The following MINAR1 variants were observed in gnomAD, a reference collection of about 807,000 sequenced individuals.
The protein encoded by MINAR1 is membrane integral NOTCH2 associated receptor 1.
MINAR1 carries 40 observed loss-of-function variants against 65.1 expected under a neutral mutation model. The ratio of observed to expected loss-of-function variants is 0.61; its 90% confidence interval spans 0.48 to 0.80. The LOEUF (loss-of-function observed/expected upper bound fraction) is 0.80, where lower values mean the gene tolerates loss of function less well. MINAR1 is among the 30% of genes least tolerant of loss of function. The pLI is 0.00. For missense variants in MINAR1, 1,128 were observed against 1,148.0 expected (o/e 0.98, Z 0.25); for synonymous variants, 482 against 449.1 (o/e 1.07, Z -0.93).
the MINAR1 span, chr15:79,411,639 A>AGGT: frequency 1.6e-6 from 1 of 616,178 alleles, no homozygotes; most frequent in Non-Finnish European, 2.9e-6. Context: ...CCAGGGGAAC[A>AGGT]GGTGAGTTAA....
intron 1 of MINAR1, among the ~76,000 whole-genome samples, chr15:79,433,671 A>G (rs767335790): frequency 2.6e-5 from 4 of 152,158 alleles, no homozygotes; most frequent in Non-Finnish European, 5.9e-5. Flanking sequence ...TTATGTGGCC[A>G]GTTATGCATC....
rs768888332 is a variant in MINAR1, at chr15:79,458,178, C to G, written c.2031C>G (p.Asn677Lys). 3.3e-5 allele frequency: 53 copies of G among 1,614,058 alleles called. No homozygotes were observed. In the East Asian group the frequency reaches 8.0e-4, roughly 24 times the overall value. The change falls in exon 2 of 4, where the codon AAC becomes AAG. Residue 677 changes from asparagine to lysine, a missense_variant. By Grantham distance (94) the Asn-to-Lys change is moderately conservative (BLOSUM62 0). Transcript: ENST00000305428. ...GCTCCCACGGACCCAAACTAGAGAA[C>G]AACCCTGACTGGTGCTGCTCTGATG... ...HSGSHGPKLENNPDWCCSDAS... is the reference protein window; with the variant it reads ...HSGSHGPKLEKNPDWCCSDAS...
chr15:79,435,276 CAAAA>C (rs35709335), intron 1 of MINAR1, among the ~76,000 whole-genome samples: 6 of 140,924 alleles, frequency 4.3e-5, no homozygotes, highest in African/African-American at 1.1e-4. Context: ...AAATCCGTCT[CAAAA>C]AAAAAAAAAA....
intron 3 of MINAR1, 128 bp downstream of exon 3, chr15:79,463,449 A>G (rs1895726644): frequency 5.6e-6 from 6 of 1,063,960 alleles, no homozygotes; most frequent in African/African-American, 3.2e-5. Context: ...GGCCCCCAAC[A>G]TGGAATTCAG....
At chr15:79,422,898 C>T in the MINAR1 span, 3 of 152,174 alleles carry the variant, frequency 2.0e-5, no homozygotes, top group Non-Finnish European at 4.4e-5. Context: ...GGTGTAACCT[C>T]AAGGGAAGGT....
At chr15:79,447,920 T>C (rs1384396561) in intron 1 of MINAR1, among the ~76,000 whole-genome samples, 1 of 152,186 alleles carries the variant, frequency 6.6e-6, no homozygotes, top group Non-Finnish European at 1.5e-5. Context: ...GGGTCCCAGC[T>C]TTATGCAGAC....
At chr15:79,459,954 TATC>T (rs1440989737) in intron 2 of MINAR1, among the ~76,000 whole-genome samples, 2 of 152,214 alleles carry the variant, frequency 1.3e-5, no homozygotes. Flanking sequence ...GGGTTTCAGA[TATC>T]ATTGAACAGT....
upstream of MINAR1, among the ~76,000 whole-genome samples, chr15:79,431,532 G>C (rs1246740358): frequency 2.6e-5 from 4 of 151,648 alleles, no homozygotes; most frequent in Non-Finnish European, 4.4e-5. Flanking sequence ...GAGAGAAACA[G>C]GGAGGGGTGG....
rs201484332 is a variant in MINAR1, at chr15:79,458,366, A to G, written c.2219A>G (p.Asn740Ser). 1.7e-5 allele frequency: 27 copies of G among 1,614,008 alleles called. No homozygotes were observed. Among genetic ancestry groups the G allele is most frequent in the South Asian group, 3.3e-5 (3 of 91,078 alleles). ...PRDWRTITYT[N>S]RVGLNEEEIK... The stretch of plus-strand genomic sequence containing the variant: ...GACTGGCGCACCATCACTTATACCA[A>G]CCGTGTGGGCCTCAATGAGGAGGAG... Residue 740 changes from asparagine to serine, a missense_variant, in exon 2 of 4, where the codon AAC (asparagine) becomes AGC (serine). Asn to Ser is a conservative substitution (Grantham distance 46). Coordinates refer to ENST00000305428, the MANE Select transcript of MINAR1 (RefSeq NM_015206.3).
At chr15:79,422,571 A>C in the MINAR1 span, 1 of 151,942 alleles carries the variant, frequency 6.6e-6, no homozygotes, top group East Asian at 1.9e-4. Context: ...AAAGGGTTTC[A>C]GATATGCAGA....
intron 1 of MINAR1, among the ~76,000 whole-genome samples, chr15:79,455,342 C>T (rs1478184899): frequency 2.0e-5 from 3 of 151,952 alleles, no homozygotes; most frequent in Admixed American, 1.3e-4. Flanking sequence ...ATTTTTTTCA[C>T]TCAATATTAT....
intron 1 of MINAR1, among the ~76,000 whole-genome samples, chr15:79,453,445 C>T (rs1169179012): frequency 1.3e-5 from 2 of 152,144 alleles, no homozygotes; most frequent in East Asian, 3.9e-4. Context: ...TTATCTGTAA[C>T]ATGGGGGTAC....
rs574037263 is a variant in MINAR1 at position 79,434,441 on chromosome 15, C to T, written c.-51+1901C>T. ...CTCTATTCACAGCAGACGCACAGAACTGATCTGGGAATTTTCTCACTCAGG... is the reference window on the plus strand; with the variant it reads ...CTCTATTCACAGCAGACGCACAGAATTGATCTGGGAATTTTCTCACTCAGG... On this transcript the variant is annotated intron_variant, in intron 1 of 3. Coordinates refer to ENST00000305428, the MANE Select transcript of MINAR1 (RefSeq NM_015206.3). Among the ~76,000 whole-genome samples, 607 of 152,336 alleles carry T rather than the reference C, an allele frequency of 4.0e-3. 1 individual carries two copies. The highest frequency in any genetic ancestry group is 6.4e-3 in the Non-Finnish European group (437 of 68,036).
At chr15:79,426,279 T>C in the MINAR1 span, 1 of 152,372 alleles carries the variant, frequency 6.6e-6, no homozygotes, top group South Asian at 2.1e-4. Flanking sequence ...GTACCCTGGA[T>C]GCCACTACCA....
At chr15:79,455,323 T>C (rs1895376687) in intron 1 of MINAR1, among the ~76,000 whole-genome samples, 1 of 152,218 alleles carries the variant, frequency 6.6e-6, no homozygotes, top group South Asian at 2.1e-4. Context: ...TATACAGATT[T>C]ATTTTCATAT....
At position 79,458,273 on chromosome 15, in the gene MINAR1, C is replaced by T; in HGVS notation, c.2126C>T (p.Ser709Phe). 6.2e-7 allele frequency: 1 copy of T among 1,614,142 alleles called. No homozygotes were observed. Among genetic ancestry groups the T allele is most frequent in the Non-Finnish European group, 8.5e-7 (1 of 1,180,036 alleles). Reference sequence around the variant, plus strand: ...AAAAGCCTCTTCACCAGGCCATCCTCTAGGTCCCTAACAGAGGAGAACAGT... The same window carrying T: ...AAAAGCCTCTTCACCAGGCCATCCTTTAGGTCCCTAACAGAGGAGAACAGT... Reference protein sequence around the residue: ...LKKSLFTRPSSRSLTEENSAT... With the variant: ...LKKSLFTRPSFRSLTEENSAT... Residue 709 changes from serine to phenylalanine, a missense_variant, in exon 2 of 4, where the codon TCT becomes TTT. Transcript: ENST00000305428.
the MINAR1 span, chr15:79,418,839 C>G: frequency 1.3e-5 from 2 of 152,170 alleles, no homozygotes; most frequent in Non-Finnish European, 2.9e-5. Flanking sequence ...GACAGCTGCC[C>G]TAGGAGCCCA....
At position 79,457,326 on chromosome 15, in the gene MINAR1, A is replaced by G. The variant is rs1390909380; in HGVS notation, c.1179A>G (p.Leu393=). The change falls in exon 2 of 4, where the codon CTA becomes CTG. Residue 393 remains leucine, a synonymous_variant. Coordinates refer to ENST00000305428, the MANE Select transcript of MINAR1 (RefSeq NM_015206.3). ...FFNRNPSEEK[L]HYPNASSQTP... is the part of the protein sequence containing the mutation. ...ATAGAAATCCCTCCGAGGAGAAGCTACACTATCCAAATGCCAGTAGCCAGA... is the reference window on the plus strand; with the variant it reads ...ATAGAAATCCCTCCGAGGAGAAGCTGCACTATCCAAATGCCAGTAGCCAGA... 3 of 1,614,082 alleles carry G rather than the reference A, an allele frequency of 1.9e-6. No homozygotes were observed. Among genetic ancestry groups the G allele is most frequent in the Non-Finnish European group, 2.5e-6 (3 of 1,180,048 alleles).
chr15:79,417,306 T>A, the MINAR1 span: 21 of 152,378 alleles, frequency 1.4e-4, no homozygotes, highest in African/African-American at 4.1e-4. Flanking sequence ...TTGCAGATAG[T>A]TCCAGGCATC....
Sources: gnomAD v4.1 joint callset for allele counts (sites outside exome capture counted in the v4.1 genomes callset) on GRCh38, gnomAD v4.1.1 for gene constraint, MANE v1.5 for transcripts, NCBI Gene and HGNC (gene_info 2026-07-23, HGNC 2026-07-21) for gene names.